The following ADAMTSL1 variants were observed in gnomAD, a reference collection of about 807,000 sequenced individuals.
ADAMTSL1 encodes ADAMTS like 1, also known as ADAMTS-like protein 1.
In ADAMTSL1, 126 loss-of-function variants were observed where a neutral mutation model predicts 201.8. The observed-to-expected ratio is 0.62, with a 90% CI of 0.54 to 0.72. The LOEUF (loss-of-function observed/expected upper bound fraction) is 0.72, where lower values mean the gene tolerates loss of function less well. Ranked by LOEUF, ADAMTSL1 falls within the 30% of genes least tolerant of loss-of-function variation. ADAMTSL1 has a pLI of 0.00. For synonymous variants in ADAMTSL1, 1,121 were observed against 903.4 expected (o/e 1.24, Z -4.32); for missense variants, 2,679 against 2,277.8 (o/e 1.18, Z -3.59).
chr9:18,562,513 T>G (rs555010047), intron 3 of ADAMTSL1, among the ~76,000 whole-genome samples: 1 of 152,174 alleles, frequency 6.6e-6, no homozygotes, highest in Non-Finnish European at 1.5e-5. Context: ...GCTCTTCTTG[T>G]GGAGTATCTT....
intron 23 of ADAMTSL1, among the ~76,000 whole-genome samples, chr9:18,857,733 C>T (rs1192247870): frequency 6.6e-6 from 1 of 152,194 alleles, no homozygotes; most frequent in Non-Finnish European, 1.5e-5. Context: ...ATATCTCATT[C>T]CTCATTGAAC....
chr9:18,558,939 T>G (rs1285142298), intron 3 of ADAMTSL1, among the ~76,000 whole-genome samples: 1 of 152,200 alleles, frequency 6.6e-6, no homozygotes, highest in Non-Finnish European at 1.5e-5. Flanking sequence ...TGCAAAAAAT[T>G]TCTCCCATTC....
chr9:18,848,487 C>T (rs1826274631), intron 23 of ADAMTSL1, among the ~76,000 whole-genome samples: 1 of 152,196 alleles, frequency 6.6e-6, no homozygotes, highest in Non-Finnish European at 1.5e-5. Context: ...TTCCTTTGTT[C>T]CAGTCAAACC....
intron 1 of ADAMTSL1, among the ~76,000 whole-genome samples, chr9:17,973,743 A>C (rs112083411): frequency 0.26 from 35,810 of 137,412 alleles, 5,528 homozygotes; most frequent in African/African-American, 0.41. Context: ...TGTATCTATA[A>C]ATTACCTTGG....
intron 16 of ADAMTSL1, among the ~76,000 whole-genome samples, chr9:18,765,471 A>G (rs1310807962): frequency 6.7e-6 from 1 of 149,360 alleles, no homozygotes; most frequent in Non-Finnish European, 1.5e-5. Context: ...AAAAAAATAC[A>G]CTGCATTTTC....
intron 20 of ADAMTSL1, among the ~76,000 whole-genome samples, chr9:18,810,092 G>A (rs901457186): frequency 1.2e-4 from 19 of 152,158 alleles, no homozygotes; most frequent in Non-Finnish European, 2.2e-4. Flanking sequence ...GTGAGGTCAT[G>A]TATACCAGTG....
rs187568285 is a variant in ADAMTSL1 at position 18,310,246 on chromosome 9, C to G, written c.207+146265C>G. Among the ~76,000 whole-genome samples, 44 of 151,532 alleles carry G rather than the reference C, an allele frequency of 2.9e-4. No individual in the cohort carries two copies. The East Asian group carries it at 7.6e-3, about 26-fold the overall frequency. On this transcript the variant is annotated intron_variant, in intron 2 of 29. Transcript: ENST00000680146. Reference sequence around the variant, plus strand: ...AACCATAAAAATCCTAGAAGAAAACCTAGGCAATAGCATTTAGGACATAGG... The same window carrying G: ...AACCATAAAAATCCTAGAAGAAAACGTAGGCAATAGCATTTAGGACATAGG...
chr9:18,550,659 T>G (rs1473315368), intron 3 of ADAMTSL1, among the ~76,000 whole-genome samples: 1 of 151,882 alleles, frequency 6.6e-6, no homozygotes, highest in Non-Finnish European at 1.5e-5. Context: ...AGGGAAACGC[T>G]AAGAAAAGGA....
intron 17 of ADAMTSL1, among the ~76,000 whole-genome samples, chr9:18,774,901 G>A (rs1012913470): frequency 6.6e-6 from 1 of 152,222 alleles, no homozygotes; most frequent in Non-Finnish European, 1.5e-5. Context: ...TAGATACCCA[G>A]TAGTAAAATT....
At chr9:18,114,730 A>G (rs1825176317) in intron 1 of ADAMTSL1, among the ~76,000 whole-genome samples, 1 of 152,192 alleles carries the variant, frequency 6.6e-6, no homozygotes, top group Admixed American at 6.6e-5. Flanking sequence ...GCAGCCTACA[A>G]GAAACATGTG....
intron 1 of ADAMTSL1, among the ~76,000 whole-genome samples, chr9:17,937,630 T>G (rs75235092): frequency 5.0e-4 from 2 of 3,984 alleles, no homozygotes; most frequent in Non-Finnish European, 6.5e-4. Flanking sequence ...CCTAAAATCT[T>G]GTTGATTTAA....
At chr9:18,907,237 C>A in intron 28 of ADAMTSL1, 1 of 336,968 alleles carries the variant, frequency 3.0e-6, no homozygotes, top group Non-Finnish European at 5.4e-6. Context: ...TCTGACTCAT[C>A]AACAACTCTC....
intron 1 of ADAMTSL1, among the ~76,000 whole-genome samples, chr9:18,006,628 C>G (rs1424331232): frequency 6.6e-6 from 1 of 151,992 alleles, no homozygotes; most frequent in Non-Finnish European, 1.5e-5. Flanking sequence ...CATGGTCTCT[C>G]TTGGCCTCAG....
chr9:18,412,516 C>A (rs900733363), intron 2 of ADAMTSL1, among the ~76,000 whole-genome samples: 1 of 152,192 alleles, frequency 6.6e-6, no homozygotes, highest in African/African-American at 2.4e-5. Flanking sequence ...TAGATTCACA[C>A]AGGAAAGATA....
chr9:18,563,408 C>A (rs537517757), intron 3 of ADAMTSL1, among the ~76,000 whole-genome samples: 3 of 152,166 alleles, frequency 2.0e-5, no homozygotes, highest in African/African-American at 7.2e-5. Context: ...GGGCACCCAC[C>A]AGATGCCAGC....
chr9:18,747,992 G>T (rs757745867), intron 15 of ADAMTSL1, among the ~76,000 whole-genome samples: 1 of 152,230 alleles, frequency 6.6e-6, no homozygotes, highest in Non-Finnish European at 1.5e-5. Context: ...CATTAAGGTG[G>T]AGGGAGACCC....
At chr9:18,782,231 G>A (rs59228044) in intron 19 of ADAMTSL1, among the ~76,000 whole-genome samples, 28 of 152,308 alleles carry the variant, frequency 1.8e-4, no homozygotes, top group African/African-American at 6.7e-4. Context: ...TATTATAAGT[G>A]CTAAGAAAGA....
At chr9:17,974,381 A>G (rs1818351981) in intron 1 of ADAMTSL1, among the ~76,000 whole-genome samples, 1 of 152,074 alleles carries the variant, frequency 6.6e-6, no homozygotes, top group Non-Finnish European at 1.5e-5. Flanking sequence ...TTAAGCTGAT[A>G]AGCAACTTCA....
chr9:18,624,278 G>A (rs1318447538), intron 5 of ADAMTSL1, among the ~76,000 whole-genome samples: 1 of 152,196 alleles, frequency 6.6e-6, no homozygotes, highest in Non-Finnish European at 1.5e-5. Flanking sequence ...TTTTTCTTTG[G>A]TCATGTGGGT....
Sources: gnomAD v4.1 joint callset for allele counts (sites outside exome capture counted in the v4.1 genomes callset) on GRCh38, gnomAD v4.1.1 for gene constraint, MANE v1.5 for transcripts, NCBI Gene and HGNC (gene_info 2026-07-23, HGNC 2026-07-21) for gene names.